Variants in LARS1 observed in about 807,000 individuals in gnomAD.
LARS1 encodes leucine--tRNA ligase, cytoplasmic.
In LARS1, 100 loss-of-function variants were observed where a neutral mutation model predicts 162.8. That is an observed-to-expected ratio of 0.61 (90% CI 0.52 to 0.73). The LOEUF (loss-of-function observed/expected upper bound fraction) is 0.73. Among genes scored for constraint, LARS1 ranks in the 30% least tolerant of loss-of-function variants. LARS1 has a pLI of 0.00. For synonymous variants in LARS1, 457 were observed against 462.8 expected, an observed-to-expected ratio of 0.99 and a Z score of 0.16; for missense variants, 1,258 against 1,408.9, an observed-to-expected ratio of 0.89 and a Z score of 1.71.
At chr5:146,140,036 G>A (rs1423338987) in intron 21 of LARS1, among the ~76,000 whole-genome samples, 168 bp downstream of exon 21, 1 of 151,820 alleles carries the variant, frequency 6.6e-6, no homozygotes, top group Non-Finnish European at 1.5e-5. Context: ...TGAACTCCTG[G>A]CCTCAAGTGA....
At chr5:146,140,022 G>A (rs529196264) in intron 21 of LARS1, among the ~76,000 whole-genome samples, 182 bp downstream of exon 21, 1 of 151,748 alleles carries the variant, frequency 6.6e-6, no homozygotes, top group Non-Finnish European at 1.5e-5. Flanking sequence ...GTCCAGGCTG[G>A]TCTTGAACTC....
At chr5:146,146,457 CATAAG>C (rs1313781896) in intron 15 of LARS1, among the ~76,000 whole-genome samples, 1 of 92,290 alleles carries the variant, frequency 1.1e-5, no homozygotes, top group Non-Finnish European at 2.2e-5. Context: ...AAAAAAATAA[CATAAG>C]ATAATATAAG....
chr5:146,178,733 C>A (rs1430557935), intron 1 of LARS1, among the ~76,000 whole-genome samples: 4 of 152,154 alleles, frequency 2.6e-5, no homozygotes. Context: ...CCTTTCCATT[C>A]CTGCTACTAA....
chr5:146,159,818 T>C (rs1158721464), intron 7 of LARS1, among the ~76,000 whole-genome samples: 1 of 151,164 alleles, frequency 6.6e-6, no homozygotes, highest in African/African-American at 2.4e-5. Flanking sequence ...ATTTCTTAAG[T>C]TATCTTCCTT....
intron 14 of LARS1, among the ~76,000 whole-genome samples, chr5:146,150,088 C>A (rs552137453): frequency 1.9e-4 from 29 of 152,272 alleles, no homozygotes; most frequent in Middle Eastern, 6.8e-3. Flanking sequence ...CTCTTTCTAA[C>A]CCCACCTGCT....
rs570487680 is a variant in LARS1 at position 146,137,355 on chromosome 5, A to C, written c.2149-1691T>G. Among the ~76,000 whole-genome samples, 178 of 151,746 alleles carry C rather than the reference A, an allele frequency of 1.2e-3. 1 individual carries two copies. The highest frequency in any genetic ancestry group is 4.2e-3 in the African/African-American group (174 of 41,432). ...AAATAATTTTGTACTTTTTTTTTTA[A>C]GTCAAGTAGGGGTGCCCTTCTCTAA... is the stretch of plus-strand genomic sequence containing the variant. On this transcript the variant is annotated intron_variant, in intron 21 of 31. Coordinates refer to ENST00000394434, the MANE Select transcript of LARS1 (RefSeq NM_020117.11).
chr5:146,113,495 A>G lies in LARS1; in HGVS notation c.*611T>C, dbSNP rs944804375. The G allele has an allele frequency of 3.9e-5, 6 of 152,298 alleles. No homozygotes were observed. Among genetic ancestry groups the G allele is most frequent in the African/African-American group, 1.4e-4 (6 of 41,446 alleles). 9.4% of individuals were successfully genotyped at this position (152,298 alleles called of 1,614,324 possible). ...GAAATATACTGCTTATAAACTATTGATATTAGCCTTGAAGAAGCCATTATT... is the reference window on the plus strand; with the variant it reads ...GAAATATACTGCTTATAAACTATTGGTATTAGCCTTGAAGAAGCCATTATT... On this transcript the variant is annotated 3_prime_UTR_variant, in exon 32 of 32. Coordinates refer to ENST00000394434, the MANE Select transcript of LARS1 (RefSeq NM_020117.11).
intron 27 of LARS1, among the ~76,000 whole-genome samples, chr5:146,127,039 G>A (rs17493090): frequency 0.22 from 33,782 of 151,830 alleles, 4,811 homozygotes; most frequent in Admixed American, 0.34. Context: ...ATATATCACT[G>A]ATGAGTACAA....
At chr5:146,177,138 C>T (rs1435284195) in intron 2 of LARS1, among the ~76,000 whole-genome samples, 1 of 152,184 alleles carries the variant, frequency 6.6e-6, no homozygotes, top group African/African-American at 2.4e-5. Flanking sequence ...TTCCACCAAG[C>T]TGTTTCTGTA....
At chr5:146,150,942 G>GACACACACACACACACACAC (rs3995492) in intron 14 of LARS1, among the ~76,000 whole-genome samples, 15 of 134,808 alleles carry the variant, frequency 1.1e-4, no homozygotes, top group African/African-American at 3.7e-4. Context: ...CCGTCAGATA[G>GACACACACACACACACACAC]ACACACACAC....
chr5:146,144,213 T>C, intron 18 of LARS1, 54 bp downstream of exon 18: 1 of 1,331,296 alleles, frequency 7.5e-7, no homozygotes, highest in Middle Eastern at 1.9e-4. Context: ...AAAATGTATA[T>C]TTTCTGTGTA....
In LARS1 at chr5:146,142,935, T is replaced by C; in HGVS notation, c.2027A>G (p.Asp676Gly). ...ATATGAAAGATGATTTGGAACAAGA[T>C]CCTTGCCAGAGACGCGAAGATCAAC... The part of the protein sequence containing the change: ...YPVDLRVSGK[D>G]LVPNHLSYYL... Residue 676 changes from aspartate to glycine, a missense_variant, in exon 20 of 32, where the codon GAT becomes GGT. Transcript: ENST00000394434. 1 of 1,613,996 alleles carries C rather than the reference T, an allele frequency of 6.2e-7. No homozygotes were observed. The highest frequency in any genetic ancestry group is 8.5e-7 in the Non-Finnish European group (1 of 1,179,994).
chr5:146,166,692 G>T (rs1754020923), intron 5 of LARS1, among the ~76,000 whole-genome samples: 1 of 152,134 alleles, frequency 6.6e-6, no homozygotes, highest in African/African-American at 2.4e-5. Context: ...AATGTAAAAA[G>T]AAAGAGGAAA....
intron 14 of LARS1, 80 bp from the exon 15 acceptor site, chr5:146,149,779 C>G: frequency 2.0e-6 from 2 of 991,600 alleles, no homozygotes. Context: ...TTTTCCCTAA[C>G]TAAATTTGCT....
Position 146,143,460 on chromosome 5 carries a change from AATAGG to A in LARS1, c.1824_1828del (p.Leu609AlafsTer4). ...CTGTCCATGCAAGTTACCCCCCTGC[AATAGG>A]TGTGCAACTGTGTAAAATGCCATGT... is the stretch of plus-strand genomic sequence containing the variant. On this transcript the variant is annotated frameshift_variant, in exon 19 of 32. Transcript: ENST00000394434. LOFTEE classifies it high-confidence loss of function. 1.2e-6 allele frequency: 2 copies of A among 1,614,006 alleles called. No individual in the cohort carries two copies. The highest frequency in any genetic ancestry group is 1.7e-6 in the Non-Finnish European group (2 of 1,179,884).
At chr5:146,150,962 C>CACAT (rs1453831471) in intron 14 of LARS1, among the ~76,000 whole-genome samples, 1 of 151,244 alleles carries the variant, frequency 6.6e-6, no homozygotes, top group East Asian at 1.9e-4. Context: ...CACACACACA[C>CACAT]ACACACACAC....
At chr5:146,146,269 G>A (rs1752998627) in intron 15 of LARS1, among the ~76,000 whole-genome samples, 1 of 151,468 alleles carries the variant, frequency 6.6e-6, no homozygotes, top group African/African-American at 2.4e-5. Context: ...TGAGCCAGGA[G>A]GCAGAGGCTG....
chr5:146,128,964 CAAAA>C lies in LARS1; in HGVS notation c.2769+10_2769+13del, dbSNP rs1581015303. On this transcript the variant is annotated intron_variant, in intron 26 of 31. Coordinates refer to ENST00000394434, the MANE Select transcript of LARS1 (RefSeq NM_020117.11). ...AGGAATAATCCTTTAAAAAAAAAAA[CAAAA>C]AAACTTTACCTTCCCTTTAGCTGGC... is the stretch of plus-strand genomic sequence containing the variant. 2 of 1,543,994 alleles carry C rather than the reference CAAAA, an allele frequency of 1.3e-6. No individual in the cohort carries two copies. Among genetic ancestry groups the C allele is most frequent in the Non-Finnish European group, 1.7e-6 (2 of 1,149,034 alleles).
At chr5:146,129,689 A>G (rs570014058) in intron 25 of LARS1, among the ~76,000 whole-genome samples, 1 of 149,698 alleles carries the variant, frequency 6.7e-6, no homozygotes, top group East Asian at 2.0e-4. Context: ...GAAGTTTTAT[A>G]TAAAACAAGA....
Sources: allele counts gnomAD v4.1 joint callset (sites outside exome capture counted in the v4.1 genomes callset), GRCh38; gene constraint gnomAD v4.1.1; transcripts MANE v1.5; gene names NCBI Gene and HGNC (gene_info 2026-07-23, HGNC 2026-07-21).